Variants in MIA2 observed in about 807,000 individuals in gnomAD.
MIA2 encodes the protein MIA SH3 domain ER export factor 2.
MIA2 carries 127 observed loss-of-function variants against 167.8 expected under a neutral mutation model. That is an observed-to-expected ratio of 0.76 (90% confidence interval 0.66 to 0.88). MIA2 has a LOEUF of 0.88. Among genes scored for constraint, MIA2 ranks in the 40% least tolerant of loss-of-function variants. MIA2 has a pLI of 0.00. For synonymous variants in MIA2, 552 were observed against 541.9 expected, an observed-to-expected ratio of 1.02 and a Z score of -0.26; for missense variants, 1,690 against 1,624.7, an observed-to-expected ratio of 1.04 and a Z score of -0.69.
chr14:39,250,296 G>T (rs891503283), intron 4 of MIA2, among the ~76,000 whole-genome samples: 1 of 152,180 alleles, frequency 6.6e-6, no homozygotes, highest in African/African-American at 2.4e-5. Flanking sequence ...AGCTGGGAGT[G>T]TTGGTGTGAT....
At chr14:39,368,788 A>AT (rs773963187) in intron 23 of MIA2, among the ~76,000 whole-genome samples, 1 of 148,474 alleles carries the variant, frequency 6.7e-6, no homozygotes, top group African/African-American at 2.5e-5. Flanking sequence ...TTCTCTTGAA[A>AT]TTTTTTTCAG....
At chr14:39,266,747 G>A (rs1264923457) in intron 6 of MIA2, 4 of 985,396 alleles carry the variant, frequency 4.1e-6, no homozygotes, top group Non-Finnish European at 4.8e-6. Flanking sequence ...GCCGCCGTCA[G>A]GACTTCTGCA....
At chr14:39,300,855 T>A (rs935892354) in intron 14 of MIA2, among the ~76,000 whole-genome samples, 2 of 151,956 alleles carry the variant, frequency 1.3e-5, no homozygotes, top group African/African-American at 4.8e-5. Context: ...TTATGCCAGT[T>A]ATGTTGCTAC....
chr14:39,277,441 G>T lies in MIA2; in HGVS notation c.2019+376G>T, dbSNP rs1269328242. 7.9e-5 allele frequency among the ~76,000 whole-genome samples: 12 copies of T among 151,678 alleles called. No individual in the cohort carries two copies. The East Asian group carries it at 2.3e-3, about 30-fold the overall frequency. On this transcript the variant is annotated intron_variant, in intron 7 of 28. Coordinates refer to ENST00000640607, the MANE Select transcript of MIA2 (RefSeq NM_001329214.4). Reference sequence around the variant, plus strand: ...CTCAGGAGGCTGAGGTGGGAGGATTGCCTGATCCTGGGAAGTCGATGCTGC... The same window carrying T: ...CTCAGGAGGCTGAGGTGGGAGGATTTCCTGATCCTGGGAAGTCGATGCTGC...
intron 17 of MIA2, among the ~76,000 whole-genome samples, chr14:39,305,935 CAA>C (rs11285736): frequency 2.9e-3 from 358 of 125,534 alleles, no homozygotes; most frequent in African/African-American, 5.6e-3. Context: ...GACTTTGTCT[CAA>C]AAAAAAAAAA....
intron 9 of MIA2, among the ~76,000 whole-genome samples, chr14:39,285,138 C>T (rs986277701): frequency 6.6e-6 from 1 of 152,098 alleles, no homozygotes; most frequent in African/African-American, 2.4e-5. Flanking sequence ...ATGAAGTCTC[C>T]CATGTCTACT....
intron 6 of MIA2, among the ~76,000 whole-genome samples, chr14:39,261,511 A>G (rs2055115191): frequency 6.6e-6 from 1 of 152,152 alleles, no homozygotes; most frequent in African/African-American, 2.4e-5. Flanking sequence ...ACCCAGTAAT[A>G]GGATGGCTGG....
chr14:39,337,047 G>A (rs1418315787), intron 25 of MIA2, among the ~76,000 whole-genome samples: 3 of 152,244 alleles, frequency 2.0e-5, no homozygotes, highest in Middle Eastern at 3.4e-3. Flanking sequence ...ACGAGCCATC[G>A]TGCCTGGCTT....
intron 13 of MIA2, among the ~76,000 whole-genome samples, chr14:39,299,305 CTTTTTTT>C (rs34424266): frequency 1.1e-5 from 1 of 95,090 alleles, no homozygotes; most frequent in East Asian, 3.3e-4. Flanking sequence ...AATGGTATTT[CTTTTTTT>C]TTTTTTTTTT....
At chr14:39,278,951 A>T (rs1441112057) in intron 7 of MIA2, among the ~76,000 whole-genome samples, 1 of 152,172 alleles carries the variant, frequency 6.6e-6, no homozygotes, top group Admixed American at 6.5e-5. Flanking sequence ...ACCTGAGGTC[A>T]GGAGTTCCAG....
At chr14:39,261,623 C>T (rs2055120999) in intron 6 of MIA2, among the ~76,000 whole-genome samples, 1 of 152,196 alleles carries the variant, frequency 6.6e-6, no homozygotes, top group South Asian at 2.1e-4. Context: ...AAAAGCATTC[C>T]TATTTCTCCA....
At chr14:39,347,815 C>A in intron 27 of MIA2, 44 bp downstream of exon 27, 1 of 1,048,954 alleles carries the variant, frequency 9.5e-7, no homozygotes, top group Non-Finnish European at 1.3e-6. Context: ...ATTCAGAAGC[C>A]TTCTTTTTTT....
chr14:39,311,379 T>G (rs1366582023), intron 18 of MIA2, among the ~76,000 whole-genome samples: 1 of 151,734 alleles, frequency 6.6e-6, no homozygotes, highest in Non-Finnish European at 1.5e-5. Flanking sequence ...GATGTTGGCT[T>G]GATGTTTTTC....
intron 23 of MIA2, among the ~76,000 whole-genome samples, chr14:39,372,054 C>T (rs1309473801): frequency 1.3e-5 from 2 of 152,156 alleles, no homozygotes; most frequent in African/African-American, 2.4e-5. Context: ...AACAAATCCC[C>T]TTGGCTGGGG....
At chr14:39,301,961 T>C (rs1292401396) in intron 14 of MIA2, among the ~76,000 whole-genome samples, 168 bp from the exon 15 acceptor site, 4 of 152,250 alleles carry the variant, frequency 2.6e-5, no homozygotes, top group African/African-American at 9.6e-5. Flanking sequence ...TCAATAAATG[T>C]TACCATTTCT....
rs35159773 is a variant in MIA2 at position 39,286,696 on chromosome 14, C to CTTTT, written c.2131-4311_2131-4308dup. ...TTATCCTTCTCTTCCTTCCTTCTTA[C>CTTTT]TTTTTTTTTTTTTTTGAGACAGGCT... On this transcript the variant is annotated intron_variant, in intron 9 of 28. Coordinates refer to ENST00000640607, the MANE Select transcript of MIA2 (RefSeq NM_001329214.4). 2.5e-4 allele frequency among the ~76,000 whole-genome samples: 36 copies of CTTTT among 142,682 alleles called. 11 individuals are homozygous for CTTTT. Among genetic ancestry groups the CTTTT allele is most frequent in the African/African-American group, 2.1e-4 (8 of 38,774 alleles). 93.6% of individuals were successfully genotyped at this position (142,682 alleles called of 152,430 possible). A position where few individuals can be genotyped will look rare whatever the true frequency, so the allele number is the denominator to read the frequency against.
intron 23 of MIA2, among the ~76,000 whole-genome samples, chr14:39,359,802 G>C (rs1362792033): frequency 6.6e-6 from 1 of 152,148 alleles, no homozygotes; most frequent in African/African-American, 2.4e-5. Context: ...ACAAGTGCAG[G>C]CCTTCCTTTT....
intron 10 of MIA2, among the ~76,000 whole-genome samples, chr14:39,291,923 C>G (rs1180470027): frequency 6.6e-6 from 1 of 152,174 alleles, no homozygotes; most frequent in Non-Finnish European, 1.5e-5. Context: ...TCTGCAGATA[C>G]TAAAACAGAA....
chr14:39,304,661 TTGAA>T (rs140490061), intron 17 of MIA2, among the ~76,000 whole-genome samples: 3,086 of 152,262 alleles, frequency 0.02, 105 homozygotes, highest in African/African-American at 0.068. Context: ...TGTTATGTGT[TTGAA>T]TGGTTTTAGA....
Sources: gnomAD v4.1 joint callset for allele counts (sites outside exome capture counted in the v4.1 genomes callset) on GRCh38, gnomAD v4.1.1 for gene constraint, MANE v1.5 for transcripts, NCBI Gene and HGNC (gene_info 2026-07-23, HGNC 2026-07-21) for gene names.